SLC38A6: variants seen among roughly 807,000 people sequenced by gnomAD.
SLC38A6 encodes the protein N system amino acid transporter NAT-1.
A neutral mutation model predicts 65.0 loss-of-function variants in SLC38A6; 73 were observed. The ratio of observed to expected loss-of-function variants is 1.12; its 90% CI spans 0.93 to 1.37. SLC38A6 has a LOEUF of 1.37. Among genes scored for constraint, SLC38A6 ranks in the 40% most tolerant of loss-of-function variants. The probability of loss-of-function intolerance (pLI) is 0.00; values close to 1 mark genes in which losing one functional copy is unlikely to be tolerated. For missense variants in SLC38A6, 561 were observed against 531.1 expected, an observed-to-expected ratio of 1.06 and a Z score of -0.55; for synonymous variants, 183 against 178.8, an observed-to-expected ratio of 1.02 and a Z score of -0.19.
chr14:61,068,329 A>C (rs2043102263), intron 15 of SLC38A6, among the ~76,000 whole-genome samples: 1 of 152,118 alleles, frequency 6.6e-6, no homozygotes, highest in Admixed American at 6.6e-5. Context: ...TAAAAATTCA[A>C]ATCAGATTAT....
intron 12 of SLC38A6, among the ~76,000 whole-genome samples, chr14:61,048,567 T>G (rs1457040247): frequency 2.0e-5 from 3 of 152,172 alleles, no homozygotes; most frequent in Non-Finnish European, 2.9e-5. Flanking sequence ...GTTTTCATCC[T>G]GGGAAAGTAG....
chr14:61,010,794 T>C (rs1308580127), intron 3 of SLC38A6, among the ~76,000 whole-genome samples: 1 of 152,206 alleles, frequency 6.6e-6, no homozygotes, highest in Non-Finnish European at 1.5e-5. Flanking sequence ...AGCCTCGTAG[T>C]ATAGTTTGAA....
At chr14:61,064,902 T>A (rs1566725846) in intron 15 of SLC38A6, among the ~76,000 whole-genome samples, 2 of 152,176 alleles carry the variant, frequency 1.3e-5, no homozygotes, top group South Asian at 2.1e-4. Context: ...TGTACTTTTT[T>A]ATTTTTAACA....
At chr14:61,015,812 T>C (rs2139540779) in intron 3 of SLC38A6, 92 bp from the exon 4 acceptor site, 7 of 922,114 alleles carry the variant, frequency 7.6e-6, no homozygotes, top group Non-Finnish European at 1.1e-5. Context: ...AATTATACTG[T>C]ATTTAGTTTG....
At chr14:61,040,139 A>C (rs2139755437) in intron 8 of SLC38A6, among the ~76,000 whole-genome samples, 1 of 152,138 alleles carries the variant, frequency 6.6e-6, no homozygotes, top group Admixed American at 6.5e-5. Context: ...ATTCTAAGCA[A>C]CGTTTTAATA....
intron 3 of SLC38A6, among the ~76,000 whole-genome samples, chr14:61,013,561 C>G (rs2039751195): frequency 6.6e-6 from 1 of 152,174 alleles, no homozygotes; most frequent in South Asian, 2.1e-4. Flanking sequence ...CCTTCAGGAG[C>G]TCTTGTAGGG....
intron 10 of SLC38A6, 134 bp downstream of exon 10, chr14:61,043,637 G>C (rs547450947): frequency 3.8e-5 from 18 of 476,236 alleles, no homozygotes; most frequent in Middle Eastern, 4.3e-4. Context: ...GTATAGGATT[G>C]CCTACCAGAA....
chr14:60,991,267 A>G (rs2037860063), intron 3 of SLC38A6, among the ~76,000 whole-genome samples: 1 of 152,148 alleles, frequency 6.6e-6, no homozygotes, highest in Non-Finnish European at 1.5e-5. Flanking sequence ...TCCTTGATTT[A>G]TCTTCCAGTA....
intron 3 of SLC38A6, among the ~76,000 whole-genome samples, chr14:60,999,456 G>A (rs1314546767): frequency 6.6e-6 from 1 of 151,950 alleles, no homozygotes; most frequent in Non-Finnish European, 1.5e-5. Context: ...CACTGATTCT[G>A]AATACCTTCT....
At chr14:61,080,910 C>T (rs2140005390) in intron 16 of SLC38A6, among the ~76,000 whole-genome samples, 1 of 152,336 alleles carries the variant, frequency 6.6e-6, no homozygotes, top group Non-Finnish European at 1.5e-5. Context: ...CACGCATTGT[C>T]AGCGCGAGGG....
In SLC38A6 at chr14:61,030,571, A is replaced by C. The variant is rs562185233; in HGVS notation, c.482+48A>C. ...GTGTCCGTTCATGTATTAATTTGAT[A>C]AATATGTATTAAGCTGTAAATGGCA... is the stretch of plus-strand genomic sequence containing the variant. On this transcript the variant is annotated intron_variant, in intron 6 of 15. Coordinates refer to ENST00000267488, the MANE Select transcript of SLC38A6 (RefSeq NM_153811.3). 4.0e-6 allele frequency: 5 copies of C among 1,254,758 alleles called. 1 individual carries two copies. In the South Asian group the frequency reaches 5.2e-5, roughly 13 times the overall value. 77.7% of individuals were successfully genotyped at this position (1,254,758 alleles called of 1,614,324 possible).
chr14:61,012,421 T>G (rs1194573206), intron 3 of SLC38A6, among the ~76,000 whole-genome samples: 1 of 152,186 alleles, frequency 6.6e-6, no homozygotes, highest in African/African-American at 2.4e-5. Context: ...TCTTGCCTTC[T>G]GCTAGCTTTT....
At chr14:60,984,905 C>A in intron 3 of SLC38A6, 102 bp downstream of exon 3, 4 of 1,109,098 alleles carry the variant, frequency 3.6e-6, no homozygotes, top group Non-Finnish European at 5.4e-6. Context: ...AGTGAGCATA[C>A]ATTTTTATTA....
chr14:60,999,460 A>T (rs1333441639), intron 3 of SLC38A6, among the ~76,000 whole-genome samples: 1 of 152,064 alleles, frequency 6.6e-6, no homozygotes, highest in Non-Finnish European at 1.5e-5. Context: ...GATTCTGAAT[A>T]CCTTCTTTTT....
chr14:61,049,663 C>T (rs1308949183), intron 12 of SLC38A6, among the ~76,000 whole-genome samples: 2 of 152,112 alleles, frequency 1.3e-5, no homozygotes, highest in Non-Finnish European at 2.9e-5. Flanking sequence ...CTTAAAGTTC[C>T]CTGAGAACAG....
intron 3 of SLC38A6, among the ~76,000 whole-genome samples, chr14:61,012,478 G>T (rs1009017157): frequency 6.6e-6 from 1 of 151,866 alleles, no homozygotes; most frequent in African/African-American, 2.4e-5. Context: ...GTGATGTTAG[G>T]GTGTCAATTT....
chr14:61,041,224 A>C (rs2041791879), intron 8 of SLC38A6, among the ~76,000 whole-genome samples: 1 of 152,066 alleles, frequency 6.6e-6, no homozygotes, highest in Non-Finnish European at 1.5e-5. Flanking sequence ...CTTCCTGTTA[A>C]TCTTTCCTCT....
At chr14:61,042,983 G>A (rs1020424086) in intron 8 of SLC38A6, among the ~76,000 whole-genome samples, 164 bp from the exon 9 acceptor site, 10 of 152,276 alleles carry the variant, frequency 6.6e-5, no homozygotes, top group Admixed American at 6.5e-4. Context: ...TACCACAGGT[G>A]ACCATGTTAA....
intron 11 of SLC38A6, 139 bp from the exon 12 acceptor site, chr14:61,045,928 T>C: frequency 1.8e-6 from 1 of 552,516 alleles, no homozygotes; most frequent in Non-Finnish European, 3.3e-6. Flanking sequence ...TGTACTAATT[T>C]CGAATGAGGA....
Sources: gnomAD v4.1 joint callset for allele counts (sites outside exome capture counted in the v4.1 genomes callset) on GRCh38, gnomAD v4.1.1 for gene constraint, MANE v1.5 for transcripts, NCBI Gene and HGNC (gene_info 2026-07-23, HGNC 2026-07-21) for gene names.